PTPRG: variants seen among roughly 807,000 people sequenced by gnomAD.
PTPRG encodes the protein protein tyrosine phosphatase receptor type G, also known as receptor-type tyrosine-protein phosphatase gamma.
Under a neutral mutation model 165.3 loss-of-function variants are expected in PTPRG, and 102 were observed. That is an observed-to-expected ratio of 0.62 (90% CI 0.53 to 0.73). The LOEUF is 0.73. Among genes scored for constraint, PTPRG ranks in the 30% least tolerant of loss-of-function variants. PTPRG has a pLI of 0.00. For synonymous variants in PTPRG, 675 were observed against 669.5 expected (o/e 1.01, Z -0.13); for missense variants, 1,866 against 1,861.4 (o/e 1.00, Z -0.05).
At chr3:61,678,074 GACAA>G (rs1312599098) in intron 1 of PTPRG, among the ~76,000 whole-genome samples, 12 of 152,186 alleles carry the variant, frequency 7.9e-5, no homozygotes, top group Non-Finnish European at 1.6e-4. Flanking sequence ...ATCATCATTA[GACAA>G]ACAGTGCCGT....
At chr3:62,063,917 G>A (rs1700908968) in intron 4 of PTPRG, among the ~76,000 whole-genome samples, 1 of 152,104 alleles carries the variant, frequency 6.6e-6, no homozygotes, top group East Asian at 1.9e-4. Context: ...GTGAGATCAG[G>A]AATAAAGGAA....
chr3:61,760,628 G>T (rs919739858), intron 2 of PTPRG, among the ~76,000 whole-genome samples: 2 of 152,166 alleles, frequency 1.3e-5, no homozygotes, highest in Middle Eastern at 6.8e-3. Context: ...TAAGTTCAGG[G>T]GTACTTGTAC....
intron 8 of PTPRG, among the ~76,000 whole-genome samples, chr3:62,185,765 T>C (rs1705854993): frequency 6.6e-6 from 1 of 152,220 alleles, no homozygotes; most frequent in African/African-American, 2.4e-5. Flanking sequence ...GTACTTGCCA[T>C]TGGGCCTGAG....
At chr3:61,585,280 CAAA>C (rs3039784) in intron 1 of PTPRG, among the ~76,000 whole-genome samples, 41 of 81,322 alleles carry the variant, frequency 5.0e-4, no homozygotes, top group East Asian at 1.5e-3. Flanking sequence ...GACCCTGTCT[CAAA>C]AAAAAAAAAA....
chr3:62,157,046 T>C, intron 6 of PTPRG, 21 bp from the exon 7 acceptor site: 1 of 1,578,752 alleles, frequency 6.3e-7, no homozygotes, highest in South Asian at 1.1e-5. Flanking sequence ...GTGCTTTTCT[T>C]TTCCCTTTTT....
At chr3:61,647,995 T>C (rs1702251330) in intron 1 of PTPRG, among the ~76,000 whole-genome samples, 1 of 152,068 alleles carries the variant, frequency 6.6e-6, no homozygotes, top group Admixed American at 6.5e-5. Context: ...GTGAATCCTC[T>C]GTCCTCTTGG....
intron 1 of PTPRG, among the ~76,000 whole-genome samples, chr3:61,736,204 G>A (rs1432311011): frequency 4.1e-5 from 6 of 146,722 alleles, no homozygotes; most frequent in African/African-American, 1.3e-4. Flanking sequence ...CACCGCACCC[G>A]GCCATTTTTT....
At chr3:62,137,579 G>C (rs1429667400) in intron 6 of PTPRG, among the ~76,000 whole-genome samples, 2 of 152,096 alleles carry the variant, frequency 1.3e-5, no homozygotes, top group Non-Finnish European at 2.9e-5. Flanking sequence ...GATTTCCTGA[G>C]CATACTTCTC....
intron 2 of PTPRG, among the ~76,000 whole-genome samples, chr3:61,967,515 C>G (rs1254477730): frequency 6.6e-6 from 1 of 152,092 alleles, no homozygotes; most frequent in Non-Finnish European, 1.5e-5. Context: ...TGCATCAAAA[C>G]CCTAAGACTT....
chr3:62,108,238 G>A (rs904727805), intron 5 of PTPRG, among the ~76,000 whole-genome samples: 44 of 139,462 alleles, frequency 3.2e-4, no homozygotes, highest in East Asian at 6.7e-4. Flanking sequence ...ATATTTCCCC[G>A]CTGTATCCAT....
intron 1 of PTPRG, among the ~76,000 whole-genome samples, chr3:61,713,801 C>T (rs538278440): frequency 6.6e-6 from 1 of 152,290 alleles, no homozygotes; most frequent in South Asian, 2.1e-4. Context: ...GAGGCATCCA[C>T]ACTCTTATTA....
At position 62,109,100 on chromosome 3, in the gene PTPRG, T is replaced by G. The variant is rs980292995; in HGVS notation, c.616-23502T>G. Among the ~76,000 whole-genome samples the G allele has an allele frequency of 4.5e-4, 68 of 152,232 alleles. 1 individual carries two copies. Among genetic ancestry groups the G allele is most frequent in the Non-Finnish European group, 8.4e-4 (57 of 68,044 alleles). The stretch of plus-strand genomic sequence containing the variant: ...TTTGTTGCCATTGCTTTTGATGTTT[T>G]AGACATGAAGTCTTTGCCAATGCCT... On this transcript the variant is annotated intron_variant, in intron 5 of 29. Transcript: ENST00000474889.
chr3:62,152,802 G>C (rs1287700807), intron 6 of PTPRG, among the ~76,000 whole-genome samples: 1 of 152,162 alleles, frequency 6.6e-6, no homozygotes, highest in African/African-American at 2.4e-5. Flanking sequence ...GGCTATGGCT[G>C]TCAAGGTGAC....
At chr3:61,860,434 C>CT (rs766688465) in intron 2 of PTPRG, among the ~76,000 whole-genome samples, 31,400 of 95,132 alleles carry the variant, frequency 0.33, 4,779 homozygotes, top group Non-Finnish European at 0.41. Context: ...GTTTTTGTTC[C>CT]TTTTTTTTTT....
chr3:62,078,935 T>C (rs1701481217), intron 5 of PTPRG, among the ~76,000 whole-genome samples: 1 of 152,208 alleles, frequency 6.6e-6, no homozygotes. Context: ...GTAGGAGACC[T>C]TGGTGCTTTT....
intron 2 of PTPRG, among the ~76,000 whole-genome samples, chr3:61,871,128 A>ATGTTATGTTGTGTTGTGTTGTGTTG (rs1559660035): frequency 8.1e-6 from 1 of 123,130 alleles, no homozygotes; most frequent in East Asian, 3.2e-4. Flanking sequence ...ATGTTATGTT[A>ATGTTATGTTGTGTTGTGTTGTGTTG]TGTTGTGTTG....
chr3:62,218,336 G>C (rs1212688374), intron 12 of PTPRG, among the ~76,000 whole-genome samples: 1 of 152,184 alleles, frequency 6.6e-6, no homozygotes, highest in African/African-American at 2.4e-5. Flanking sequence ...GTTACTACAG[G>C]AAAGAGTAAG....
At chr3:61,838,267 A>C (rs2107319867) in intron 2 of PTPRG, among the ~76,000 whole-genome samples, 1 of 152,304 alleles carries the variant, frequency 6.6e-6, no homozygotes, top group Non-Finnish European at 1.5e-5. Context: ...TATCTACCTG[A>C]AATCAGTTGA....
At chr3:61,715,419 A>G (rs1366488528) in intron 1 of PTPRG, among the ~76,000 whole-genome samples, 1 of 151,972 alleles carries the variant, frequency 6.6e-6, no homozygotes, top group African/African-American at 2.4e-5. Context: ...AGGTTTCGCC[A>G]TGTTGCCCAG....
Sources: allele counts gnomAD v4.1 joint callset (sites outside exome capture counted in the v4.1 genomes callset), GRCh38; gene constraint gnomAD v4.1.1; transcripts MANE v1.5; gene names NCBI Gene and HGNC (gene_info 2026-07-23, HGNC 2026-07-21).